The following PGAP2 variants were observed in gnomAD, a reference collection of about 807,000 sequenced individuals.
PGAP2 encodes the protein post-GPI attachment to proteins 2.
In PGAP2, 21 loss-of-function variants were observed where a neutral mutation model predicts 33.2. The ratio of observed to expected loss-of-function variants is 0.63; its 90% CI spans 0.45 to 0.91. PGAP2 has a LOEUF of 0.91. Ranked by LOEUF, PGAP2 falls within the 40% of genes least tolerant of loss-of-function variation. PGAP2 has a pLI of 0.00. For missense variants in PGAP2, 345 were observed against 424.0 expected, an observed-to-expected ratio of 0.81 and a Z score of 1.64; for synonymous variants, 161 against 172.9, an observed-to-expected ratio of 0.93 and a Z score of 0.54.
chr11:3,818,414 G>A (rs1314415852), intron 3 of PGAP2, among the ~76,000 whole-genome samples: 4 of 152,020 alleles, frequency 2.6e-5, no homozygotes, highest in African/African-American at 9.7e-5. Context: ...GAATGGGCAG[G>A]AGAGATCATG....
chr11:3,806,052 T>C (rs1051270264), upstream of PGAP2, among the ~76,000 whole-genome samples: 1 of 152,074 alleles, frequency 6.6e-6, no homozygotes, highest in African/African-American at 2.4e-5. Flanking sequence ...CAGGGCTATA[T>C]GGAGAATTGC....
chr11:3,806,867 C>T (rs1321702307), upstream of PGAP2, among the ~76,000 whole-genome samples: 1 of 151,904 alleles, frequency 6.6e-6, no homozygotes, highest in Non-Finnish European at 1.5e-5. Flanking sequence ...ACTAAAAGTA[C>T]AAAAATTAGC....
chr11:3,814,503 T>A (rs1473996637), intron 2 of PGAP2, among the ~76,000 whole-genome samples: 1 of 152,138 alleles, frequency 6.6e-6, no homozygotes, highest in East Asian at 1.9e-4. Context: ...GTGATCCACC[T>A]GCCTTGGCCT....
upstream of PGAP2, among the ~76,000 whole-genome samples, chr11:3,803,795 A>ATT (rs551444619): frequency 1.4e-4 from 12 of 86,898 alleles, no homozygotes; most frequent in East Asian, 6.0e-4. Flanking sequence ...ATATATATAT[A>ATT]TATTTTTTTT....
intron 3 of PGAP2, among the ~76,000 whole-genome samples, chr11:3,821,757 C>CA (rs111889119): frequency 0.053 from 7,253 of 135,722 alleles, 451 homozygotes; most frequent in African/African-American, 0.17. Context: ...GACTCCATCT[C>CA]AAAAAAAAAA....
At position 3,826,246 on chromosome 11, in the gene PGAP2, C is replaced by T. The variant is rs1256167422; in HGVS notation, c.*788C>T. Reference sequence around the variant, plus strand: ...TAGAGGGGTCAGATGCAGATCTCTACTGTAAAATGGGCTCCCTGGTATCTC... The same window carrying T: ...TAGAGGGGTCAGATGCAGATCTCTATTGTAAAATGGGCTCCCTGGTATCTC... On this transcript the variant is annotated 3_prime_UTR_variant, in exon 7 of 7. Transcript: ENST00000278243. 1.3e-5 allele frequency: 2 copies of T among 152,232 alleles called. No individual in the cohort carries two copies. Among genetic ancestry groups the T allele is most frequent in the East Asian group, 3.8e-4 (2 of 5,208 alleles). The allele number at this position is 152,232 out of a possible 1,614,324, so 9.4% of individuals were successfully genotyped here.
Position 3,825,722 on chromosome 11 carries a change from C to A in PGAP2, c.*264C>A. 30 of 197,698 alleles carry A rather than the reference C, an allele frequency of 1.5e-4. No individual in the cohort carries two copies. Among genetic ancestry groups the A allele is most frequent in the Non-Finnish European group, 1.7e-4 (17 of 102,510 alleles). 12.2% of individuals were successfully genotyped at this position (197,698 alleles called of 1,614,324 possible). A position where few individuals can be genotyped will look rare whatever the true frequency, so the allele number is the denominator to read the frequency against. On this transcript the variant is annotated 3_prime_UTR_variant, in exon 7 of 7. Transcript: ENST00000278243. ...TGGCAGAGAGCTCCACCATTTGGTG[C>A]TAAAAAAAAAAACGTCCTGAGGTTC...
In PGAP2 at chr11:3,822,358, C is replaced by T. The variant is rs146325301; in HGVS notation, c.349-1525C>T. ...CAGCCTAGGCGACAGTGTGAGACTCCGTCTCAAAAAGAGAAAAAAAAGCAG... is the reference window on the plus strand; with the variant it reads ...CAGCCTAGGCGACAGTGTGAGACTCTGTCTCAAAAAGAGAAAAAAAAGCAG... On this transcript the variant is annotated intron_variant, in intron 3 of 6. Transcript: ENST00000278243. 3.8e-3 allele frequency among the ~76,000 whole-genome samples: 565 copies of T among 149,718 alleles called. 3 individuals carry two copies. The highest frequency in any genetic ancestry group is 0.013 in the African/African-American group (533 of 40,826).
intron 3 of PGAP2, among the ~76,000 whole-genome samples, chr11:3,822,012 C>T (rs925319334): frequency 6.6e-6 from 1 of 151,728 alleles, no homozygotes; most frequent in South Asian, 2.1e-4. Context: ...GAGCCGAGAT[C>T]GGGCTATGGC....
upstream of PGAP2, chr11:3,808,454 G>C: frequency 6.7e-7 from 1 of 1,501,986 alleles, no homozygotes; most frequent in Non-Finnish European, 8.9e-7. Flanking sequence ...GATTGAGGAG[G>C]AGAGCCAGGG....
upstream of PGAP2, among the ~76,000 whole-genome samples, chr11:3,805,590 T>C (rs1270705274): frequency 6.9e-6 from 1 of 145,902 alleles, no homozygotes; most frequent in East Asian, 2.3e-4. Context: ...TTTTACAGGC[T>C]GGGCACGGTG....
intron 1 of PGAP2, among the ~76,000 whole-genome samples, chr11:3,801,244 T>C (rs2134117219): frequency 6.6e-6 from 1 of 152,314 alleles, no homozygotes; most frequent in South Asian, 2.1e-4. Flanking sequence ...CACATTTGCC[T>C]TACAGGGTCG....
At chr11:3,807,565 C>T (rs997332192), upstream of PGAP2, among the ~76,000 whole-genome samples, 5 of 151,938 alleles carry the variant, frequency 3.3e-5, no homozygotes, top group African/African-American at 1.2e-4. Flanking sequence ...GCCTCGGCCT[C>T]CTAAAGTGCT....
At chr11:3,799,117 G>A (rs2083072777) in intron 1 of PGAP2, among the ~76,000 whole-genome samples, 1 of 152,182 alleles carries the variant, frequency 6.6e-6, no homozygotes, top group African/African-American at 2.4e-5. Context: ...GGCTCTTCTT[G>A]GAAGTCCTTC....
At chr11:3,798,078 G>A in intron 1 of PGAP2, 2 of 1,501,272 alleles carry the variant, frequency 1.3e-6, no homozygotes. Context: ...ACCACGTGCG[G>A]AGCCTGAGGG....
intron 2 of PGAP2, among the ~76,000 whole-genome samples, chr11:3,813,647 G>A (rs1259904498): frequency 6.6e-6 from 1 of 152,188 alleles, no homozygotes; most frequent in African/African-American, 2.4e-5. Flanking sequence ...GACTCCCAAA[G>A]CACTGGGATT....
chr11:3,798,119 T>C, intron 1 of PGAP2: 1 of 1,463,794 alleles, frequency 6.8e-7, no homozygotes, highest in Non-Finnish European at 9.0e-7. Context: ...GTCCAAAGAG[T>C]TTGCCCGAGG....
Position 3,811,435 on chromosome 11 carries a change from G to T in PGAP2, c.165+11G>T. 6.2e-7 allele frequency: 1 copy of T among 1,611,638 alleles called. No homozygotes were observed. Among genetic ancestry groups the T allele is most frequent in the Non-Finnish European group, 8.5e-7 (1 of 1,178,420 alleles). ...GCCACACACTGTGGGGTAGGGCATG[G>T]GGACACTGATACCTCATATTCAGGC... On this transcript the variant is annotated intron_variant, in intron 2 of 6. Coordinates refer to ENST00000278243, the MANE Select transcript of PGAP2 (RefSeq NM_014489.4). The surrounding 1 kb of genome is among the most constrained non-coding windows in gnomAD (Gnocchi z 4.6).
At chr11:3,799,859 A>G (rs1271834585) in intron 1 of PGAP2, among the ~76,000 whole-genome samples, 1 of 152,068 alleles carries the variant, frequency 6.6e-6, no homozygotes, top group African/African-American at 2.4e-5. Context: ...CCCAGCTACT[A>G]GGGAGGCTGA....
Sources: allele counts gnomAD v4.1 joint callset (sites outside exome capture counted in the v4.1 genomes callset), GRCh38; gene constraint gnomAD v4.1.1; non-coding constraint Gnocchi (gnomAD v3.1); transcripts MANE v1.5; gene names NCBI Gene and HGNC (gene_info 2026-07-23, HGNC 2026-07-21).